The following ARHGAP29 variants were observed in gnomAD, a reference collection of about 807,000 sequenced individuals.
ARHGAP29 encodes Rho GTPase activating protein 29.
ARHGAP29 carries 43 observed loss-of-function variants against 122.6 expected under a neutral mutation model. That is an observed-to-expected ratio of 0.35 (90% CI 0.27 to 0.45). The LOEUF is 0.45. ARHGAP29 is among the 20% of genes least tolerant of loss of function. The probability of loss-of-function intolerance (pLI) is 1.00; values close to 1 mark genes in which losing one functional copy is unlikely to be tolerated. For synonymous variants in ARHGAP29, 506 were observed against 497.1 expected, an observed-to-expected ratio of 1.02 and a Z score of -0.24; for missense variants, 1,303 against 1,477.2, an observed-to-expected ratio of 0.88 and a Z score of 1.93.
chr1:94,311,196 C>T, the ARHGAP29 span, among the ~76,000 whole-genome samples: 1 of 152,104 alleles, frequency 6.6e-6, no homozygotes, highest in Non-Finnish European at 1.5e-5. Flanking sequence ...ATGGGTAAGC[C>T]TGTCTAATTC....
At chr1:94,195,417 A>G (rs921616754) in intron 12 of ARHGAP29, 5 of 152,184 alleles carry the variant, frequency 3.3e-5, no homozygotes, top group African/African-American at 1.2e-4. Flanking sequence ...GAAAACATTT[A>G]AAAGTTAGGA....
intron 2 of ARHGAP29, among the ~76,000 whole-genome samples, chr1:94,227,107 T>C (rs1258516552): frequency 7.1e-6 from 1 of 141,376 alleles, no homozygotes. Context: ...GAATATATTA[T>C]TTAATGGTAT....
Position 94,189,204 on chromosome 1 carries a change from G to T in ARHGAP29, c.1576+12C>A. ...TTTATAAATTAGCACTCTCTTTAGG[G>T]TGGAAAACTACCTGTTATATCTGCA... On this transcript the variant is annotated intron_variant, in intron 14 of 22. Transcript: ENST00000260526. 1 of 1,597,792 alleles carries T rather than the reference G, an allele frequency of 6.3e-7. No homozygotes were observed. Among genetic ancestry groups the T allele is most frequent in the African/African-American group, 1.3e-5 (1 of 74,206 alleles).
chr1:94,197,182 G>A (rs1335514425), intron 12 of ARHGAP29, among the ~76,000 whole-genome samples: 1 of 151,988 alleles, frequency 6.6e-6, no homozygotes, highest in Non-Finnish European at 1.5e-5. Context: ...ATGAAAGAGA[G>A]GTTATTACTA....
intron 1 of ARHGAP29, among the ~76,000 whole-genome samples, chr1:94,248,620 T>C (rs574437291): frequency 6.6e-6 from 1 of 152,380 alleles, no homozygotes; most frequent in South Asian, 2.1e-4. Context: ...TCAAAAAGAT[T>C]AAATATCTGT....
At position 94,203,148 on chromosome 1, in the gene ARHGAP29, G is replaced by A; in HGVS notation, c.825C>T (p.His275=). ...NALLNDIESS[H]LLQQTIAALQ... is the part of the protein sequence containing the mutation. Reference sequence around the variant, plus strand: ...GAGCTGCAATTGTTTGTTGTAAAAGGTGACTGCTTTCTATATCATTAAGAA... The same window carrying A: ...GAGCTGCAATTGTTTGTTGTAAAAGATGACTGCTTTCTATATCATTAAGAA... The change falls in exon 9 of 23, where the codon CAC becomes CAT. Residue 275 remains histidine, a synonymous_variant. Coordinates refer to ENST00000260526, the MANE Select transcript of ARHGAP29 (RefSeq NM_004815.4). The A allele has an allele frequency of 1.2e-6, 2 of 1,613,562 alleles. No individual in the cohort carries two copies. The highest frequency in any genetic ancestry group is 1.7e-6 in the Non-Finnish European group (2 of 1,179,792).
the ARHGAP29 span, among the ~76,000 whole-genome samples, chr1:94,311,865 C>T: frequency 5.3e-5 from 8 of 152,322 alleles, no homozygotes; most frequent in South Asian, 1.7e-3. Context: ...ATGCAAGGCT[C>T]CTTCTGTAAC....
chr1:94,314,302 A>T, the ARHGAP29 span, among the ~76,000 whole-genome samples: 22 of 152,326 alleles, frequency 1.4e-4, no homozygotes, highest in African/African-American at 4.8e-4. Flanking sequence ...AGGCTGCTTC[A>T]GAAAGCTGCC....
intron 1 of ARHGAP29, among the ~76,000 whole-genome samples, chr1:94,245,654 T>C (rs1653769266): frequency 6.6e-6 from 1 of 152,200 alleles, no homozygotes; most frequent in Non-Finnish European, 1.5e-5. Flanking sequence ...TCCCATAGGA[T>C]ATTCAACATA....
At chr1:94,225,202 G>A (rs940604538) in intron 2 of ARHGAP29, among the ~76,000 whole-genome samples, 2 of 152,130 alleles carry the variant, frequency 1.3e-5, no homozygotes, top group African/African-American at 2.4e-5. Flanking sequence ...AGAAAGTTAA[G>A]TGGCTGCTTG....
intron 3 of ARHGAP29, among the ~76,000 whole-genome samples, chr1:94,215,600 A>G (rs1651912178): frequency 6.6e-6 from 1 of 152,172 alleles, no homozygotes; most frequent in Non-Finnish European, 1.5e-5. Context: ...TTTACTAGAC[A>G]CTTAGATACT....
rs982885549 is a variant in ARHGAP29 at position 94,206,899 on chromosome 1, A to AT, written c.511-1217_511-1216insA. Among the ~76,000 whole-genome samples the AT allele has an allele frequency of 7.3e-5, 11 of 150,116 alleles. No individual in the cohort carries two copies. In the East Asian group the frequency reaches 2.1e-3, roughly 29 times the overall value. ...AAGGAGTTCTCACTCTGTCTCAAAA[A>AT]ATATATATATATTTAATATTATATA... On this transcript the variant is annotated intron_variant, in intron 5 of 22. Transcript: ENST00000260526.
intron 17 of ARHGAP29, 46 bp downstream of exon 17, chr1:94,185,296 A>G: frequency 7.9e-6 from 12 of 1,514,072 alleles, no homozygotes; most frequent in Non-Finnish European, 1.1e-5. Context: ...AAAAAGTATA[A>G]AACAAAAAGC....
At chr1:94,201,001 T>C (rs1344278146) in intron 12 of ARHGAP29, among the ~76,000 whole-genome samples, 4 of 152,086 alleles carry the variant, frequency 2.6e-5, no homozygotes, top group Non-Finnish European at 5.9e-5. Flanking sequence ...TTGTGGACTA[T>C]ACATGAAAAA....
At position 94,231,507 on chromosome 1, in the gene ARHGAP29, AC is replaced by A; in HGVS notation, c.104del (p.Ser35IlefsTer15). 1 of 1,613,868 alleles carries A rather than the reference AC, an allele frequency of 6.2e-7. No individual in the cohort carries two copies. The highest frequency in any genetic ancestry group is 8.5e-7 in the Non-Finnish European group (1 of 1,179,770). ...AATCCGGATCAAAAATAGAGTTGGA[AC>A]TTAAGGACTTGAGCCCCATTTCAGA... Reference protein sequence around the residue: ...TTSEMGLKSLSSNSIFDPDYI... With the variant: ...TTSEMGLKSLXSNSIFDPDYI... On this transcript the variant is annotated frameshift_variant, in exon 2 of 23. Coordinates refer to ENST00000260526, the MANE Select transcript of ARHGAP29 (RefSeq NM_004815.4). LOFTEE classifies it high-confidence loss of function.
intron 2 of ARHGAP29, among the ~76,000 whole-genome samples, chr1:94,224,402 A>G (rs1652498630): frequency 6.6e-6 from 1 of 152,166 alleles, no homozygotes; most frequent in East Asian, 1.9e-4. Flanking sequence ...AAAGAGCTTG[A>G]TTTTCAGAAT....
the ARHGAP29 span, among the ~76,000 whole-genome samples, chr1:94,293,421 G>A: frequency 4.6e-5 from 7 of 152,306 alleles, no homozygotes; most frequent in African/African-American, 9.6e-5. Context: ...GAAATCCCCC[G>A]ACCCTTTGCA....
At chr1:94,199,870 A>G (rs1258231609) in intron 12 of ARHGAP29, among the ~76,000 whole-genome samples, 14 of 152,128 alleles carry the variant, frequency 9.2e-5, no homozygotes, top group Admixed American at 9.2e-4. Context: ...TTTTCTTTCA[A>G]TGGCACTGAC....
chr1:94,213,799 T>C (rs962362094), intron 3 of ARHGAP29, among the ~76,000 whole-genome samples: 1 of 152,250 alleles, frequency 6.6e-6, no homozygotes, highest in Non-Finnish European at 1.5e-5. Flanking sequence ...CTTTGAGAAC[T>C]GTTGTGAAGA....
Sources: allele counts gnomAD v4.1 joint callset (sites outside exome capture counted in the v4.1 genomes callset), GRCh38; gene constraint gnomAD v4.1.1; transcripts MANE v1.5; gene names NCBI Gene and HGNC (gene_info 2026-07-23, HGNC 2026-07-21).